Variants in UBTD1 observed in about 807,000 individuals in gnomAD.
UBTD1 encodes the protein ubiquitin domain-containing protein 1.
Under a neutral mutation model 21.7 loss-of-function variants are expected in UBTD1, and 19 were observed. That is an observed-to-expected ratio of 0.87 (90% CI 0.61 to 1.28). The LOEUF is 1.28. Among genes scored for constraint, UBTD1 ranks in the 50% most tolerant of loss-of-function variants. UBTD1 has a pLI of 0.00. For synonymous variants in UBTD1, 116 were observed against 135.1 expected (o/e 0.86, Z 0.98); for missense variants, 282 against 315.1 (o/e 0.89, Z 0.80).
intron 1 of UBTD1, among the ~76,000 whole-genome samples, chr10:97,528,506 G>A (rs1435837258): frequency 8.2e-5 from 7 of 84,930 alleles, no homozygotes; most frequent in African/African-American, 2.7e-4. Flanking sequence ...CCCGGACGGG[G>A]CGGCTGGCCG....
intron 1 of UBTD1, among the ~76,000 whole-genome samples, chr10:97,527,935 C>T (rs2040497434): frequency 6.6e-6 from 1 of 152,196 alleles, no homozygotes; most frequent in Non-Finnish European, 1.5e-5. Flanking sequence ...CCATTGTCAT[C>T]ATGGCCCGTT....
At chr10:97,538,798 A>C (rs1172546897) in intron 1 of UBTD1, among the ~76,000 whole-genome samples, 1 of 151,982 alleles carries the variant, frequency 6.6e-6, no homozygotes. Context: ...TATTGCACAT[A>C]TGGTTTGCTT....
chr10:97,546,674 A>G (rs1356706850), intron 1 of UBTD1, among the ~76,000 whole-genome samples: 1 of 151,320 alleles, frequency 6.6e-6, no homozygotes, highest in East Asian at 1.9e-4. Flanking sequence ...GGGAGGGCTC[A>G]GCTCTTAGAT....
chr10:97,570,344 G>GAC lies in UBTD1; in HGVS notation c.509_510dup (p.Val171GlnfsTer178). The GAC allele has an allele frequency of 1.9e-6, 3 of 1,613,220 alleles. No homozygotes were observed. Among genetic ancestry groups the GAC allele is most frequent in the Non-Finnish European group, 2.5e-6 (3 of 1,179,898 alleles). ...CGTGAGGCTCAGCGCCAGCCTGCCCGACACAGTGGGGCAGCTCAAGAGGCA... is the reference window on the plus strand; with the variant it reads ...CGTGAGGCTCAGCGCCAGCCTGCCCGACACACAGTGGGGCAGCTCAAGAGGCA... On this transcript the variant is annotated frameshift_variant, in exon 3 of 3. Coordinates refer to ENST00000370664, the MANE Select transcript of UBTD1 (RefSeq NM_024954.5). LOFTEE classifies it high-confidence loss of function. The surrounding 1 kb of genome is among the most constrained non-coding windows in gnomAD (Gnocchi z 6.6).
At chr10:97,511,570 C>G (rs1328701695) in intron 1 of UBTD1, among the ~76,000 whole-genome samples, 1 of 152,166 alleles carries the variant, frequency 6.6e-6, no homozygotes, top group African/African-American at 2.4e-5. Context: ...ATGGATTTGT[C>G]CCTCCTTCCA....
Position 97,554,599 on chromosome 10 carries a change from G to C in UBTD1, c.71-13315G>C, listed in dbSNP as rs550027821. Reference sequence around the variant, plus strand: ...AGGGTCTCACTGTGTCACCCAGGCTGGGGTGCAGTGGTGCAGTCATAGTTC... The same window carrying C: ...AGGGTCTCACTGTGTCACCCAGGCTCGGGTGCAGTGGTGCAGTCATAGTTC... On this transcript the variant is annotated intron_variant, in intron 1 of 2. Transcript: ENST00000370664. Among the ~76,000 whole-genome samples the C allele has an allele frequency of 2.8e-4, 42 of 152,196 alleles. No homozygotes were observed. In the South Asian group the frequency reaches 7.1e-3, roughly 26 times the overall value.
At chr10:97,518,019 G>A (rs902305581) in intron 1 of UBTD1, among the ~76,000 whole-genome samples, 2 of 152,098 alleles carry the variant, frequency 1.3e-5, no homozygotes, top group African/African-American at 2.4e-5. Context: ...TGGAGGGGCC[G>A]CTCCGAGAAT....
intron 1 of UBTD1, among the ~76,000 whole-genome samples, chr10:97,554,439 G>A (rs1383087573): frequency 2.0e-5 from 3 of 151,924 alleles, no homozygotes; most frequent in Admixed American, 1.3e-4. Context: ...TAGATATGGT[G>A]TTTTTCCATG....
At chr10:97,523,365 A>G (rs938255691) in intron 1 of UBTD1, among the ~76,000 whole-genome samples, 4 of 152,146 alleles carry the variant, frequency 2.6e-5, no homozygotes, top group African/African-American at 7.2e-5. Flanking sequence ...GGCACAGACT[A>G]TTGTGTTCTC....
intron 1 of UBTD1, among the ~76,000 whole-genome samples, chr10:97,518,294 T>C (rs550996971): frequency 6.6e-6 from 1 of 152,306 alleles, no homozygotes; most frequent in African/African-American, 2.4e-5. Context: ...TCCTGTTTGA[T>C]GCCGACCTCG....
chr10:97,533,449 C>T (rs1241638774), intron 1 of UBTD1, among the ~76,000 whole-genome samples: 1 of 152,180 alleles, frequency 6.6e-6, no homozygotes, highest in Admixed American at 6.5e-5. Context: ...CCATGGAAGG[C>T]CGCCTATATT....
At chr10:97,535,308 G>A (rs1191298286) in intron 1 of UBTD1, among the ~76,000 whole-genome samples, 2 of 152,128 alleles carry the variant, frequency 1.3e-5, no homozygotes, top group Non-Finnish European at 2.9e-5. Context: ...CTAGGTCTTA[G>A]CATTTCCATT....
chr10:97,545,436 GT>G (rs1375698868), intron 1 of UBTD1, among the ~76,000 whole-genome samples: 36 of 149,808 alleles, frequency 2.4e-4, no homozygotes, highest in Admixed American at 7.3e-4. Context: ...GTGTGGGTGT[GT>G]GTGTGTGTGT....
At position 97,570,057 on chromosome 10, in the gene UBTD1, T is replaced by C; in HGVS notation, c.299-81T>C. Reference sequence around the variant, plus strand: ...CACATTGGGGGTTAGAGTTTCACCATATGAATTTGGGGGGACCCAAACATT... The same window carrying C: ...CACATTGGGGGTTAGAGTTTCACCACATGAATTTGGGGGGACCCAAACATT... On this transcript the variant is annotated intron_variant, in intron 2 of 2. Coordinates refer to ENST00000370664, the MANE Select transcript of UBTD1 (RefSeq NM_024954.5). The surrounding 1 kb of genome is among the most constrained non-coding windows in gnomAD (Gnocchi z 6.6). 6 of 1,513,784 alleles carry C rather than the reference T, an allele frequency of 4.0e-6. No homozygotes were observed. The highest frequency in any genetic ancestry group is 1.8e-4 in the Middle Eastern group (1 of 5,638). The allele number at this position is 1,513,784 out of a possible 1,614,324, so 93.8% of individuals were successfully genotyped here.
At chr10:97,533,879 C>T (rs1273035449) in intron 1 of UBTD1, among the ~76,000 whole-genome samples, 4 of 150,542 alleles carry the variant, frequency 2.7e-5, no homozygotes, top group African/African-American at 4.9e-5. Flanking sequence ...GCTGAGATCA[C>T]GCCACTGCAC....
intron 1 of UBTD1, among the ~76,000 whole-genome samples, chr10:97,561,162 G>A (rs994152050): frequency 1.3e-4 from 20 of 152,050 alleles, no homozygotes; most frequent in Admixed American, 7.9e-4. Context: ...CTGGTGAGGC[G>A]TTCCACCGGG....
At chr10:97,516,647 C>T (rs1300587165) in intron 1 of UBTD1, among the ~76,000 whole-genome samples, 2 of 152,034 alleles carry the variant, frequency 1.3e-5, no homozygotes, top group African/African-American at 4.8e-5. Context: ...CGGTGGCAGG[C>T]GCCTGTAGTT....
At chr10:97,531,713 G>T (rs1033097827) in intron 1 of UBTD1, among the ~76,000 whole-genome samples, 2 of 152,136 alleles carry the variant, frequency 1.3e-5, no homozygotes, top group Non-Finnish European at 2.9e-5. Flanking sequence ...CTGACCCTCT[G>T]GCCCTTTCTG....
intron 1 of UBTD1, among the ~76,000 whole-genome samples, chr10:97,503,886 C>T (rs1281832438): frequency 6.6e-6 from 1 of 152,104 alleles, no homozygotes; most frequent in Non-Finnish European, 1.5e-5. Flanking sequence ...TCAGCCCATT[C>T]TCTGCAACTT....
Sources: gnomAD v4.1 joint callset for allele counts (sites outside exome capture counted in the v4.1 genomes callset) on GRCh38, gnomAD v4.1.1 for gene constraint, Gnocchi (gnomAD v3.1) non-coding constraint, MANE v1.5 for transcripts, NCBI Gene and HGNC (gene_info 2026-07-23, HGNC 2026-07-21) for gene names.